Variants in PCDHA5 observed in about 807,000 individuals in gnomAD.
PCDHA5 encodes the protein protocadherin alpha 5, also known as protocadherin alpha-5.
PCDHA5 carries 43 observed loss-of-function variants against 61.6 expected under a neutral mutation model. The observed-to-expected ratio is 0.70, with a 90% CI of 0.55 to 0.90. The LOEUF is 0.90. Among genes scored for constraint, PCDHA5 ranks in the 40% least tolerant of loss-of-function variants. PCDHA5 has a pLI of 0.00. For synonymous variants in PCDHA5, 627 were observed against 543.9 expected, an observed-to-expected ratio of 1.15 and a Z score of -2.13; for missense variants, 1,298 against 1,222.7, an observed-to-expected ratio of 1.06 and a Z score of -0.92.
rs149265547 is a variant in PCDHA5 at position 140,927,771 on chromosome 5, G to T, written c.2353-51178G>T. On this transcript the variant is annotated intron_variant, in intron 1 of 3. Coordinates refer to ENST00000529859, the MANE Select transcript of PCDHA5 (RefSeq NM_018908.3). Reference sequence around the variant, plus strand: ...ACGTGCACCCTAAAAGTGGGGAGGTGCAAGTAGCTGCTTCACTAGGTCCGC... The same window carrying T: ...ACGTGCACCCTAAAAGTGGGGAGGTTCAAGTAGCTGCTTCACTAGGTCCGC... The T allele has an allele frequency of 4.2e-4, 677 of 1,614,210 alleles. 4 individuals carry two copies. In the African/African-American group the frequency reaches 7.5e-3, roughly 18 times the overall value.
Position 140,849,822 on chromosome 5 carries a change from G to T in PCDHA5, c.2352+25695G>T, listed in dbSNP as rs2150452005. 3.8e-6 allele frequency: 6 copies of T among 1,598,508 alleles called. 1 individual carries two copies. The African/African-American group carries it at 8.1e-5, about 21-fold the overall frequency. ...ACTGTGGGCCACGGCCAGGGTGTCT[G>T]TGGAGGTGGCCGACGTGAACGACAA... On this transcript the variant is annotated intron_variant, in intron 1 of 3. Coordinates refer to ENST00000529859, the MANE Select transcript of PCDHA5 (RefSeq NM_018908.3).
intron 1 of PCDHA5, among the ~76,000 whole-genome samples, chr5:140,909,596 T>C (rs2074597089): frequency 6.6e-6 from 1 of 152,222 alleles, no homozygotes; most frequent in South Asian, 2.1e-4. Context: ...TGATTTACTA[T>C]TTTTCTAGGT....
intron 1 of PCDHA5, among the ~76,000 whole-genome samples, chr5:140,935,092 C>T (rs1015892831): frequency 2.6e-5 from 4 of 152,100 alleles, no homozygotes; most frequent in Non-Finnish European, 5.9e-5. Context: ...TTCCCAGAAT[C>T]AGCCATTTTT....
Position 140,849,870 on chromosome 5 carries a change from G to A in PCDHA5, c.2352+25743G>A, listed in dbSNP as rs2150455328. 1.3e-5 allele frequency: 21 copies of A among 1,598,494 alleles called. 3 individuals are homozygous for A. The highest frequency in any genetic ancestry group is 5.1e-5 in the Admixed American group (3 of 59,300). The stretch of plus-strand genomic sequence containing the variant: ...CAACGCACCAGCGTTCGCGCAGTCC[G>A]AGTACACGGTGTTCGTGAAGGAGAA... On this transcript the variant is annotated intron_variant, in intron 1 of 3. Transcript: ENST00000529859.
chr5:140,827,969 T>A, intron 1 of PCDHA5: 1 of 1,373,188 alleles, frequency 7.3e-7, no homozygotes, highest in East Asian at 2.3e-5. Context: ...TATTACTGCA[T>A]CATTCCCTGA....
chr5:140,926,990 G>T (rs2083733718), intron 1 of PCDHA5: 1 of 1,611,558 alleles, frequency 6.2e-7, no homozygotes, highest in Admixed American at 1.7e-5. Flanking sequence ...ACGGAGCGGG[G>T]CGTAGCCGTA....
At chr5:140,961,113 C>T (rs2095591220) in intron 1 of PCDHA5, among the ~76,000 whole-genome samples, 1 of 152,190 alleles carries the variant, frequency 6.6e-6, no homozygotes, top group Non-Finnish European at 1.5e-5. Context: ...AACCCCCTTG[C>T]ATCTTAATGT....
intron 1 of PCDHA5, among the ~76,000 whole-genome samples, chr5:140,974,134 C>T (rs1212348196): frequency 1.3e-5 from 2 of 152,290 alleles, no homozygotes; most frequent in East Asian, 1.9e-4. Flanking sequence ...AATCTGCTAA[C>T]CTGAAAACTA....
At chr5:140,826,759 A>G (rs1286612690) in intron 1 of PCDHA5, among the ~76,000 whole-genome samples, 1 of 152,218 alleles carries the variant, frequency 6.6e-6, no homozygotes, top group Non-Finnish European at 1.5e-5. Flanking sequence ...TAAGATTCAT[A>G]TTGGAGAGTA....
In PCDHA5 at chr5:140,918,657, T is replaced by G. The variant is rs116489086; in HGVS notation, c.2353-60292T>G. Among the ~76,000 whole-genome samples, 1,219 of 152,370 alleles carry G rather than the reference T, an allele frequency of 8.0e-3. 6 individuals are homozygous for G. The highest frequency in any genetic ancestry group is 0.019 in the African/African-American group (787 of 41,596). ...CATAAATTGAAACCTAATTCTCATG[T>G]TGATGGTATGAAGAGGTGAGACCTT... On this transcript the variant is annotated intron_variant, in intron 1 of 3. Coordinates refer to ENST00000529859, the MANE Select transcript of PCDHA5 (RefSeq NM_018908.3).
chr5:140,856,479 C>T, intron 1 of PCDHA5: 1 of 1,598,354 alleles, frequency 6.3e-7, no homozygotes, highest in Non-Finnish European at 8.6e-7. Context: ...ATACCTGAAT[C>T]CAGACTGCTT....
intron 1 of PCDHA5, chr5:140,864,345 G>A (rs2048432897): frequency 6.6e-6 from 1 of 152,130 alleles, no homozygotes; most frequent in Non-Finnish European, 1.5e-5. Flanking sequence ...TTTAAAACAT[G>A]TTTAAATGTT....
At chr5:140,843,373 T>C (rs2150358583) in intron 1 of PCDHA5, 5 of 1,596,150 alleles carry the variant, frequency 3.1e-6, no homozygotes, top group Non-Finnish European at 2.6e-6. Flanking sequence ...GGCAGTCGGC[T>C]GGCGTTTTGG....
At chr5:140,889,763 T>C (rs2062377523) in intron 1 of PCDHA5, among the ~76,000 whole-genome samples, 1 of 152,192 alleles carries the variant, frequency 6.6e-6, no homozygotes, top group African/African-American at 2.4e-5. Context: ...TCCTTGAACT[T>C]TGACTGGTCT....
Position 140,823,061 on chromosome 5 carries a change from G to A in PCDHA5, c.1286G>A (p.Gly429Glu), listed in dbSNP as rs2150121840. 3.7e-6 allele frequency: 6 copies of A among 1,613,882 alleles called. No homozygotes were observed. In the African/African-American group the frequency reaches 6.7e-5, roughly 18 times the overall value. ...GAGCTGGTGGTGACCGCGCGGGACG[G>A]GGGCTCGCCTTCGCTGTGGGCCACC... ...VYELVVTARD[G>E]GSPSLWATAS... Residue 429 changes from glycine (G) to glutamate (E), a missense_variant, in exon 1 of 4, where the codon GGG becomes GAG. Coordinates refer to ENST00000529859, the MANE Select transcript of PCDHA5 (RefSeq NM_018908.3).
At chr5:140,887,039 T>G (rs1396033565) in intron 1 of PCDHA5, among the ~76,000 whole-genome samples, 2 of 152,156 alleles carry the variant, frequency 1.3e-5, no homozygotes, top group African/African-American at 4.8e-5. Flanking sequence ...TTAATATTTT[T>G]TATAGTGCAT....
At chr5:140,946,752 A>C (rs1470208958) in intron 1 of PCDHA5, among the ~76,000 whole-genome samples, 1 of 151,470 alleles carries the variant, frequency 6.6e-6, no homozygotes, top group East Asian at 1.9e-4. Context: ...CAAATACTGC[A>C]TGATCTCATT....
chr5:140,924,907 AAAAT>A (rs1563068966), intron 1 of PCDHA5, among the ~76,000 whole-genome samples: 53 of 50,956 alleles, frequency 1.0e-3, no homozygotes, highest in African/African-American at 2.1e-3. Flanking sequence ...AAAAAAAAAT[AAAAT>A]AAAATAAAAT....
intron 1 of PCDHA5, chr5:140,927,853 G>T: frequency 6.2e-7 from 1 of 1,614,214 alleles, no homozygotes; most frequent in Non-Finnish European, 8.5e-7. Context: ...CTTTGGTTTA[G>T]CTAGCACCGC....
Sources: gnomAD v4.1 joint callset for allele counts (sites outside exome capture counted in the v4.1 genomes callset) on GRCh38, gnomAD v4.1.1 for gene constraint, MANE v1.5 for transcripts, NCBI Gene and HGNC (gene_info 2026-07-23, HGNC 2026-07-21) for gene names.